Variants in FLT3 observed in about 807,000 individuals in gnomAD.
FLT3 encodes the protein receptor-type tyrosine-protein kinase FLT3.
FLT3 carries 46 observed loss-of-function variants against 126.6 expected under a neutral mutation model. The observed-to-expected ratio is 0.36, with a 90% CI of 0.29 to 0.46. FLT3 has a LOEUF of 0.46. FLT3 is among the 20% of genes least tolerant of loss of function. The pLI, the probability that FLT3 is intolerant of heterozygous loss-of-function variation, is 1.00. For missense variants in FLT3, 1,069 were observed against 1,190.3 expected (o/e 0.90, Z 1.50); for synonymous variants, 404 against 434.4 (o/e 0.93, Z 0.87).
At chr13:28,081,883 G>A (rs1201261587) in intron 1 of FLT3, among the ~76,000 whole-genome samples, 7 of 91,854 alleles carry the variant, frequency 7.6e-5, no homozygotes, top group African/African-American at 1.3e-4. Context: ...GTGAGACACA[G>A]TCTTGCTCTG....
chr13:28,019,728 G>C (rs541937212), intron 19 of FLT3, among the ~76,000 whole-genome samples: 3 of 152,094 alleles, frequency 2.0e-5, no homozygotes, highest in Non-Finnish European at 4.4e-5. Flanking sequence ...ACACAGTCTC[G>C]ATCTGACGGG....
chr13:28,031,289 G>C (rs1311362749), intron 15 of FLT3, among the ~76,000 whole-genome samples: 1 of 152,170 alleles, frequency 6.6e-6, no homozygotes, highest in Non-Finnish European at 1.5e-5. Flanking sequence ...GGTCAAAAGG[G>C]ATAGCTACCT....
At chr13:28,039,153 C>A (rs887909462) in intron 9 of FLT3, among the ~76,000 whole-genome samples, 1 of 152,108 alleles carries the variant, frequency 6.6e-6, no homozygotes, top group Non-Finnish European at 1.5e-5. Context: ...TGAGGAGGAA[C>A]GGCAAGCCTC....
rs1593286882 is a variant in FLT3 at position 28,070,521 on chromosome 13, T to C, written c.135A>G (p.Ser45=). 1.2e-6 allele frequency: 2 copies of C among 1,609,594 alleles called. No homozygotes were observed. The highest frequency in any genetic ancestry group is 1.7e-6 in the Non-Finnish European group (2 of 1,176,298). The change falls in exon 2 of 24, where the codon TCA becomes TCG. Residue 45 remains serine, a synonymous_variant. Coordinates refer to ENST00000241453, the MANE Select transcript of FLT3 (RefSeq NM_004119.3). The part of the protein sequence containing the change: ...CVLINHKNND[S]SVGKSSSYPM... The stretch of plus-strand genomic sequence containing the variant: ...GATATGATGATGACTTCCCCACTGA[T>C]GAATCATTGTTCTTATGATTGATTA...
At chr13:28,010,601 T>C (rs979113814) in intron 23 of FLT3, among the ~76,000 whole-genome samples, 2 of 152,184 alleles carry the variant, frequency 1.3e-5, no homozygotes, top group Non-Finnish European at 2.9e-5. Context: ...TCTAATCCCA[T>C]TGGTGTTGAG....
Position 28,034,399 on chromosome 13 carries a change from G to A in FLT3, c.1606C>T (p.Pro536Ser), listed in dbSNP as rs757954859. ...AATGAGATGTTGTCTTGGATGAAAG[G>A]GAAGGGGCCTGCAACAAAAGAGTGT... ...TILLNSPGPF[P>S]FIQDNISFYA... Residue 536 changes from proline to serine, a missense_variant, in exon 13 of 24, where the codon CCT (proline) becomes TCT (serine). Physicochemically the swap from Pro to Ser is moderately conservative, Grantham distance 74 (BLOSUM62 -1). Transcript: ENST00000241453. 6 of 1,612,212 alleles carry A rather than the reference G, an allele frequency of 3.7e-6. No individual in the cohort carries two copies. Among genetic ancestry groups the A allele is most frequent in the Admixed American group, 1.7e-5 (1 of 60,018 alleles).
Position 28,091,512 on chromosome 13 carries a change from C to T in FLT3, c.43+8956G>A, listed in dbSNP as rs183235967. Among the ~76,000 whole-genome samples the T allele has an allele frequency of 6.2e-4, 95 of 152,118 alleles. No homozygotes were observed. The East Asian group carries it at 0.013, about 21-fold the overall frequency. On this transcript the variant is annotated intron_variant, in intron 1 of 23. Transcript: ENST00000241453. ...CTGGGATTACAGGCGTGAGCCACCG[C>T]GCCCGGCCCCCCATTTTCTTCCTGT... is the stretch of plus-strand genomic sequence containing the variant.
At chr13:28,060,233 A>G (rs1876409356) in intron 3 of FLT3, among the ~76,000 whole-genome samples, 1 of 114,556 alleles carries the variant, frequency 8.7e-6, no homozygotes, top group African/African-American at 3.3e-5. Context: ...TGTCTCTACT[A>G]AAAATACAAA....
chr13:28,020,492 C>T (rs919201987), intron 19 of FLT3, among the ~76,000 whole-genome samples: 3 of 152,094 alleles, frequency 2.0e-5, no homozygotes, highest in Admixed American at 1.3e-4. Flanking sequence ...GGATTATAGG[C>T]GTACACCACC....
intron 9 of FLT3, among the ~76,000 whole-genome samples, chr13:28,044,175 G>A (rs555562523): frequency 1.3e-5 from 2 of 148,296 alleles, no homozygotes; most frequent in African/African-American, 2.5e-5. Context: ...AGGGCCAGGC[G>A]CGGTGGTTCA....
chr13:28,069,709 A>G (rs1053811662), intron 2 of FLT3, among the ~76,000 whole-genome samples: 1 of 152,220 alleles, frequency 6.6e-6, no homozygotes, highest in Non-Finnish European at 1.5e-5. Flanking sequence ...TTCCCTTGTC[A>G]TCATTATTCC....
At chr13:28,063,746 A>G (rs1876774482) in intron 2 of FLT3, among the ~76,000 whole-genome samples, 1 of 152,196 alleles carries the variant, frequency 6.6e-6, no homozygotes, top group Admixed American at 6.5e-5. Context: ...TAGAAAAAAA[A>G]AAAAGACTAA....
At chr13:28,022,223 G>GA (rs1418883387) in intron 19 of FLT3, among the ~76,000 whole-genome samples, 3 of 151,562 alleles carry the variant, frequency 2.0e-5, no homozygotes, top group African/African-American at 7.2e-5. Flanking sequence ...ATTTTTTAAA[G>GA]AAAAAAGGCC....
At chr13:28,064,726 G>A (rs1010645097) in intron 2 of FLT3, among the ~76,000 whole-genome samples, 12 of 152,136 alleles carry the variant, frequency 7.9e-5, no homozygotes, top group African/African-American at 2.9e-4. Context: ...TTTTGTCGGT[G>A]AGGCCATGGG....
intron 1 of FLT3, among the ~76,000 whole-genome samples, chr13:28,091,260 C>T (rs551679867): frequency 1.1e-4 from 12 of 108,628 alleles, no homozygotes; most frequent in Middle Eastern, 9.4e-3. Context: ...CTCGCTCTGT[C>T]GCCCAGGCTG....
At chr13:28,090,789 C>T (rs1878982461) in intron 1 of FLT3, among the ~76,000 whole-genome samples, 1 of 152,062 alleles carries the variant, frequency 6.6e-6, no homozygotes, top group African/African-American at 2.4e-5. Flanking sequence ...CCTGCCCCCT[C>T]AACAAAAGAA....
At chr13:28,052,920 C>A (rs1198641738) in intron 4 of FLT3, among the ~76,000 whole-genome samples, 2 of 152,126 alleles carry the variant, frequency 1.3e-5, no homozygotes, top group Non-Finnish European at 2.9e-5. Flanking sequence ...AAATCCACAG[C>A]TAACTAAAGT....
chr13:28,015,722 A>G (rs1242913533), intron 20 of FLT3, 21 bp from the exon 21 acceptor site: 2 of 1,460,106 alleles, frequency 1.4e-6, no homozygotes, highest in South Asian at 1.1e-5. Flanking sequence ...CCCAGAGGAG[A>G]TAAGATGGTG....
chr13:28,008,422 C>G (rs896923382), intron 23 of FLT3, among the ~76,000 whole-genome samples: 2 of 151,942 alleles, frequency 1.3e-5, no homozygotes, highest in Non-Finnish European at 2.9e-5. Context: ...CCTTCTCCCT[C>G]TTTCCCCTTC....
Sources: gnomAD v4.1 joint callset for allele counts (sites outside exome capture counted in the v4.1 genomes callset) on GRCh38, gnomAD v4.1.1 for gene constraint, MANE v1.5 for transcripts, NCBI Gene and HGNC (gene_info 2026-07-23, HGNC 2026-07-21) for gene names.